Variants in SEC24D observed in about 807,000 individuals in gnomAD.
The protein encoded by SEC24D is SEC24 homolog D, COPII component, also known as protein transport protein Sec24D.
Under a neutral mutation model 116.9 loss-of-function variants are expected in SEC24D, and 69 were observed. That is an observed-to-expected ratio of 0.59 (90% CI 0.49 to 0.72). SEC24D has a LOEUF of 0.72. Among genes scored for constraint, SEC24D ranks in the 30% least tolerant of loss-of-function variants. The pLI is 0.00. For missense variants in SEC24D, 1,131 were observed against 1,264.1 expected, an observed-to-expected ratio of 0.89 and a Z score of 1.60; for synonymous variants, 405 against 442.8, an observed-to-expected ratio of 0.91 and a Z score of 1.07.
chr4:118,751,918 A>G, intron 13 of SEC24D, 78 bp downstream of exon 13: 1 of 1,010,804 alleles, frequency 9.9e-7, no homozygotes. Flanking sequence ...CTTTTCTTTC[A>G]TAAATGAAAC....
intron 13 of SEC24D, among the ~76,000 whole-genome samples, chr4:118,750,136 AG>A (rs2110453904): frequency 6.6e-6 from 1 of 152,338 alleles, no homozygotes. Flanking sequence ...AGCTGAAATG[AG>A]TTGGACTCTA....
intron 21 of SEC24D, chr4:118,730,626 G>A (rs1216730434): frequency 6.6e-6 from 1 of 152,202 alleles, no homozygotes; most frequent in Non-Finnish European, 1.5e-5. Context: ...CACAACAATG[G>A]TCTACAAATA....
At chr4:118,752,224 C>A in intron 12 of SEC24D, 135 bp from the exon 13 acceptor site, 1 of 600,694 alleles carries the variant, frequency 1.7e-6, no homozygotes, top group Non-Finnish European at 3.0e-6. Context: ...GTAATTTTTC[C>A]TTAGGAAATG....
intron 10 of SEC24D, chr4:118,758,453 T>C (rs1373951438): frequency 6.6e-6 from 1 of 152,186 alleles, no homozygotes; most frequent in Non-Finnish European, 1.5e-5. Context: ...ACGTCAGGCG[T>C]TTTCTTTATC....
intron 6 of SEC24D, among the ~76,000 whole-genome samples, chr4:118,809,347 A>G (rs578006777): frequency 6.6e-6 from 1 of 152,292 alleles, no homozygotes; most frequent in African/African-American, 2.4e-5. Context: ...TGATGATGAT[A>G]CATTTCCTTA....
intron 19 of SEC24D, among the ~76,000 whole-genome samples, chr4:118,734,788 C>T (rs1204660235): frequency 6.6e-6 from 1 of 152,138 alleles, no homozygotes; most frequent in Non-Finnish European, 1.5e-5. Flanking sequence ...TATGTTTATT[C>T]ATAAGAGTAG....
rs1560618604 is a variant in SEC24D, at chr4:118,740,838, CT to C, written c.2093-31del. ...AGATAAGGGAAAAAGGGAAATTTTG[CT>C]TGTCTTTATTCTACTGTTATTTTCT... is the stretch of plus-strand genomic sequence containing the variant. On this transcript the variant is annotated intron_variant, in intron 16 of 22. Coordinates refer to ENST00000280551, the MANE Select transcript of SEC24D (RefSeq NM_014822.4). 1.9e-6 allele frequency: 3 copies of C among 1,612,262 alleles called. No individual in the cohort carries two copies. In the South Asian group the frequency reaches 3.3e-5, roughly 18 times the overall value.
At chr4:118,831,009 AAAG>A in intron 2 of SEC24D, among the ~76,000 whole-genome samples, 1 of 152,184 alleles carries the variant, frequency 6.6e-6, no homozygotes, top group South Asian at 2.1e-4. Context: ...GAGGAGATAA[AAAG>A]GAGGGAGAGG....
chr4:118,766,022 T>C (rs1727628234), intron 9 of SEC24D, among the ~76,000 whole-genome samples: 1 of 152,144 alleles, frequency 6.6e-6, no homozygotes, highest in South Asian at 2.1e-4. Context: ...GGGTCTTAAA[T>C]TGCTATTTTG....
chr4:118,751,942 GTC>G lies in SEC24D; in HGVS notation c.1707+52_1707+53del, dbSNP rs1192623886. ...CATAAATGAAACTTTCTTATTTTTT[GTC>G]TCTCTGTTTTTAAAATTTATTTACT... On this transcript the variant is annotated intron_variant, in intron 13 of 22. Coordinates refer to ENST00000280551, the MANE Select transcript of SEC24D (RefSeq NM_014822.4). 6 of 1,195,420 alleles carry G rather than the reference GTC, an allele frequency of 5.0e-6. No individual in the cohort carries two copies. The East Asian group carries it at 9.4e-5, about 19-fold the overall frequency. The allele number at this position is 1,195,420 out of a possible 1,614,324, so 74.1% of individuals were successfully genotyped here. A position where few individuals can be genotyped will look rare whatever the true frequency, so the allele number is the denominator to read the frequency against.
intron 8 of SEC24D, among the ~76,000 whole-genome samples, chr4:118,772,932 T>C (rs940803128): frequency 1.3e-5 from 2 of 152,060 alleles, no homozygotes; most frequent in Non-Finnish European, 2.9e-5. Context: ...ACTCAGAACA[T>C]TGCTGGGTGA....
At chr4:118,754,322 T>C (rs1233219982) in intron 11 of SEC24D, among the ~76,000 whole-genome samples, 1 of 152,144 alleles carries the variant, frequency 6.6e-6, no homozygotes, top group African/African-American at 2.4e-5. Flanking sequence ...CACTATGCTA[T>C]ACTGCATCCA....
At chr4:118,788,261 A>G (rs13128195) in intron 8 of SEC24D, among the ~76,000 whole-genome samples, 47,892 of 152,204 alleles carry the variant, frequency 0.31, 8,556 homozygotes, top group East Asian at 0.45. Context: ...AATGGCATCT[A>G]TGGTGAATGT....
At position 118,728,593 on chromosome 4, in the gene SEC24D, T is replaced by C; in HGVS notation, c.2926A>G (p.Ile976Val). 1 of 1,609,574 alleles carries C rather than the reference T, an allele frequency of 6.2e-7. No homozygotes were observed. Among genetic ancestry groups the C allele is most frequent in the Non-Finnish European group, 8.5e-7 (1 of 1,176,936 alleles). The change falls in exon 22 of 23, where the codon ATT becomes GTT. Residue 976 changes from isoleucine (I) to valine (V), a missense_variant. Ile to Val is a conservative substitution (Grantham distance 29). Transcript: ENST00000280551. ...YSQQLRMIMGIIQQKRPYSMK... is the reference protein window; with the variant it reads ...YSQQLRMIMGVIQQKRPYSMK... Reference sequence around the variant, plus strand: ...GAATATGGCCTCTTTTGTTGGATAATACCCATTATCATTCTGAGTTGTTGA... The same window carrying C: ...GAATATGGCCTCTTTTGTTGGATAACACCCATTATCATTCTGAGTTGTTGA...
chr4:118,756,574 T>C lies in SEC24D; in HGVS notation c.1421+1147A>G, dbSNP rs546371588. On this transcript the variant is annotated intron_variant, in intron 11 of 22. Transcript: ENST00000280551. ...AGAGGAATGGGCACCCAAAGATTCATGGAGCTCTAAGGGCTGAAGCCAACA... is the reference window on the plus strand; with the variant it reads ...AGAGGAATGGGCACCCAAAGATTCACGGAGCTCTAAGGGCTGAAGCCAACA... Among the ~76,000 whole-genome samples, 5 of 152,246 alleles carry C rather than the reference T, an allele frequency of 3.3e-5. No individual in the cohort carries two copies. The East Asian group carries it at 7.7e-4, about 24-fold the overall frequency.
chr4:118,757,784 A>G lies in SEC24D; in HGVS notation c.1358T>C (p.Ile453Thr). The change falls in exon 11 of 23, where the codon ATA (isoleucine) becomes ACA (threonine). Residue 453 changes from isoleucine (I) to threonine (T), a missense_variant. Ile to Thr is a moderately conservative substitution (Grantham distance 89). Transcript: ENST00000280551. ...TATGAGCTTGACAAGTCCATTCTTT[A>G]TGTTACTATATGAAACATCAATCAT... ...IFMIDVSYSNIKNGLVKLICE... is the reference protein window; with the variant it reads ...IFMIDVSYSNTKNGLVKLICE... 6.2e-7 allele frequency: 1 copy of G among 1,612,186 alleles called. No homozygotes were observed. Among genetic ancestry groups the G allele is most frequent in the Middle Eastern group, 1.7e-4 (1 of 6,038 alleles).
chr4:118,814,648 T>C (rs1449345046), intron 6 of SEC24D, among the ~76,000 whole-genome samples: 4 of 152,196 alleles, frequency 2.6e-5, no homozygotes, highest in Non-Finnish European at 4.4e-5. Context: ...TATGGGTTTC[T>C]CTTATTGAAA....
intron 11 of SEC24D, among the ~76,000 whole-genome samples, chr4:118,755,943 C>G (rs1727071521): frequency 6.6e-6 from 1 of 151,966 alleles, no homozygotes; most frequent in Non-Finnish European, 1.5e-5. Flanking sequence ...AGTCACACAT[C>G]TGTGCTCCAA....
At chr4:118,793,275 G>C (rs568278936) in intron 8 of SEC24D, among the ~76,000 whole-genome samples, 11 of 151,506 alleles carry the variant, frequency 7.3e-5, no homozygotes, top group Non-Finnish European at 1.5e-4. Context: ...AGACCATCCC[G>C]GCTAAAACGG....
Sources: gnomAD v4.1 joint callset for allele counts (sites outside exome capture counted in the v4.1 genomes callset) on GRCh38, gnomAD v4.1.1 for gene constraint, MANE v1.5 for transcripts, NCBI Gene and HGNC (gene_info 2026-07-23, HGNC 2026-07-21) for gene names.